KAZN: variants seen among roughly 807,000 people sequenced by gnomAD.
KAZN encodes the protein kazrin.
Under a neutral mutation model 87.4 loss-of-function variants are expected in KAZN, and 40 were observed. The ratio of observed to expected loss-of-function variants is 0.46; its 90% CI spans 0.36 to 0.60. The LOEUF (loss-of-function observed/expected upper bound fraction) is 0.60, where lower values mean the gene tolerates loss of function less well. KAZN is among the 20% of genes least tolerant of loss of function. KAZN has a pLI of 0.00. For synonymous variants in KAZN, 466 were observed against 458.3 expected (o/e 1.02, Z -0.22); for missense variants, 898 against 1,073.9 (o/e 0.84, Z 2.29).
At chr1:14,396,633 C>G (rs553469415) in intron 2 of KAZN, among the ~76,000 whole-genome samples, 1 of 152,288 alleles carries the variant, frequency 6.6e-6, no homozygotes, top group South Asian at 2.1e-4. Flanking sequence ...GCTGTGTACT[C>G]GAGTTTCTGG....
intron 1 of KAZN, among the ~76,000 whole-genome samples, chr1:14,162,627 C>T (rs140941459): frequency 0.029 from 4,336 of 151,444 alleles, 203 homozygotes; most frequent in African/African-American, 0.1. Context: ...TCACTGCAAG[C>T]TCCACCTCCA....
chr1:14,463,191 G>T (rs1266531112), intron 2 of KAZN, among the ~76,000 whole-genome samples: 1 of 152,300 alleles, frequency 6.6e-6, no homozygotes. Flanking sequence ...TACGGAAAAA[G>T]GTGGTAGCTT....
chr1:14,014,619 G>T (rs1056656846), intron 1 of KAZN, among the ~76,000 whole-genome samples: 2 of 152,084 alleles, frequency 1.3e-5, no homozygotes, highest in Non-Finnish European at 1.5e-5. Context: ...ATCAAAAGAA[G>T]AATAATATTT....
chr1:13,991,175 C>T (rs1198673339), intron 1 of KAZN, among the ~76,000 whole-genome samples: 3 of 152,024 alleles, frequency 2.0e-5, no homozygotes, highest in Non-Finnish European at 4.4e-5. Flanking sequence ...TGTTGTGTAG[C>T]ATTTGCTGGC....
At chr1:14,694,351 A>G (rs1641485375) in intron 1 of KAZN, among the ~76,000 whole-genome samples, 1 of 152,246 alleles carries the variant, frequency 6.6e-6, no homozygotes, top group Admixed American at 6.5e-5. Flanking sequence ...CTGCATCTAG[A>G]AAATACTTTT....
chr1:14,604,540 G>A (rs1372145094), intron 1 of KAZN, among the ~76,000 whole-genome samples: 2 of 152,218 alleles, frequency 1.3e-5, no homozygotes, highest in African/African-American at 4.8e-5. Flanking sequence ...GATCCAAGTG[G>A]TGGAGGCGAG....
intron 1 of KAZN, among the ~76,000 whole-genome samples, chr1:14,877,708 T>C (rs1652923399): frequency 6.6e-6 from 1 of 152,222 alleles, no homozygotes; most frequent in Non-Finnish European, 1.5e-5. Flanking sequence ...TGTGTAATAA[T>C]AGTGCCTACT....
chr1:14,708,506 ACTTTT>A (rs1397824289), intron 1 of KAZN, among the ~76,000 whole-genome samples: 1 of 152,206 alleles, frequency 6.6e-6, no homozygotes, highest in Admixed American at 6.5e-5. Flanking sequence ...GTTCCCATGG[ACTTTT>A]CTTTTCTTCC....
intron 1 of KAZN, among the ~76,000 whole-genome samples, chr1:14,698,626 A>G (rs556004245): frequency 6.6e-6 from 1 of 152,348 alleles, no homozygotes; most frequent in East Asian, 1.9e-4. Flanking sequence ...GGAGACCCTC[A>G]TTGGTGAAAG....
chr1:14,452,944 C>T (rs913168807), intron 2 of KAZN, among the ~76,000 whole-genome samples: 3 of 152,118 alleles, frequency 2.0e-5, no homozygotes, highest in African/African-American at 7.2e-5. Context: ...TTGAAATAGG[C>T]CTCTTTTGTT....
At chr1:13,932,489 T>C (rs1640562843) in intron 1 of KAZN, among the ~76,000 whole-genome samples, 1 of 152,048 alleles carries the variant, frequency 6.6e-6, no homozygotes, top group Non-Finnish European at 1.5e-5. Context: ...CTTGATCTCC[T>C]GACCTCGTGA....
chr1:14,638,583 A>AC (rs1557856239), intron 1 of KAZN, among the ~76,000 whole-genome samples: 1 of 151,836 alleles, frequency 6.6e-6, no homozygotes, highest in African/African-American at 2.4e-5. Flanking sequence ...AAAAAACAAA[A>AC]AAAAAAAAAC....
rs10927427 is a variant in KAZN at position 14,406,212 on chromosome 1, C to G, written c.250-192771C>G. Among the ~76,000 whole-genome samples the G allele has an allele frequency of 3.9e-5, 6 of 151,968 alleles. No individual in the cohort carries two copies. The South Asian group carries it at 1.2e-3, about 32-fold the overall frequency. On this transcript the variant is annotated intron_variant, in intron 2 of 16. Coordinates refer to the KAZN transcript ENST00000636203. ...CGTCTCAAAACATCTCAGGTACCCC[C>G]TACATATATACATCTACAATGTACT...
At chr1:14,602,890 G>A (rs905150046) in intron 1 of KAZN, among the ~76,000 whole-genome samples, 1 of 152,160 alleles carries the variant, frequency 6.6e-6, no homozygotes, top group East Asian at 1.9e-4. Flanking sequence ...ATCTTTCTTT[G>A]GTGTGGAGGA....
At chr1:14,782,573 A>G (rs949059394) in intron 1 of KAZN, among the ~76,000 whole-genome samples, 11 of 150,226 alleles carry the variant, frequency 7.3e-5, no homozygotes, top group East Asian at 5.8e-4. Context: ...AAAAAAAAAA[A>G]AAAAAGAAAA....
chr1:14,540,312 C>T (rs1410046265), intron 2 of KAZN, among the ~76,000 whole-genome samples: 1 of 152,134 alleles, frequency 6.6e-6, no homozygotes, highest in Non-Finnish European at 1.5e-5. Context: ...AATTCCTGAG[C>T]CCCTTCCTCT....
At chr1:13,964,860 C>T (rs1181928696) in intron 1 of KAZN, among the ~76,000 whole-genome samples, 7 of 152,106 alleles carry the variant, frequency 4.6e-5, no homozygotes, top group African/African-American at 7.2e-5. Context: ...GGGTGCAGGT[C>T]GCAGCATTAA....
intron 1 of KAZN, among the ~76,000 whole-genome samples, chr1:14,898,549 G>A (rs1036057018): frequency 6.6e-6 from 1 of 152,172 alleles, no homozygotes; most frequent in Non-Finnish European, 1.5e-5. Flanking sequence ...AGCAAAGGGG[G>A]CCTTGGAAGG....
In KAZN at chr1:15,046,477, G is replaced by A. The variant is rs150769624; in HGVS notation, c.726+2318G>A. ...TGACGGAGGTAGAAGAAAATCCGCC[G>A]ATAATCAGACCCACGCACCCATGCC... On this transcript the variant is annotated intron_variant, in intron 4 of 14. Transcript: ENST00000376030. Among the ~76,000 whole-genome samples, 44 of 152,214 alleles carry A rather than the reference G, an allele frequency of 2.9e-4. 1 individual carries two copies. Among genetic ancestry groups the A allele is most frequent in the Middle Eastern group, 6.8e-3 (2 of 294 alleles).
Sources: allele counts gnomAD v4.1 joint callset (sites outside exome capture counted in the v4.1 genomes callset), GRCh38; gene constraint gnomAD v4.1.1; transcripts MANE v1.5; gene names NCBI Gene and HGNC (gene_info 2026-07-23, HGNC 2026-07-21).